The following FRY variants were observed in gnomAD, a reference collection of about 807,000 sequenced individuals.
FRY encodes FRY microtubule binding protein.
FRY carries 128 observed loss-of-function variants against 348.4 expected under a neutral mutation model. The ratio of observed to expected loss-of-function variants is 0.37; its 90% CI spans 0.32 to 0.43. The LOEUF is 0.43. Ranked by LOEUF, FRY falls within the 20% of genes least tolerant of loss-of-function variation. The pLI is 1.00. For synonymous variants in FRY, 1,370 were observed against 1,374.7 expected, an observed-to-expected ratio of 1.00 and a Z score of 0.08; for missense variants, 2,736 against 3,695.2, an observed-to-expected ratio of 0.74 and a Z score of 6.73.
rs1010463211 is a variant in FRY at position 32,173,373 on chromosome 13, G to A, written c.2158G>A (p.Ala720Thr). 5.0e-6 allele frequency: 8 copies of A among 1,610,362 alleles called. No homozygotes were observed. Among genetic ancestry groups the A allele is most frequent in the African/African-American group, 4.0e-5 (3 of 74,776 alleles). Residue 720 changes from alanine (A) to threonine (T), a missense_variant, in exon 19 of 61, where the codon GCA (alanine) becomes ACA (threonine). By Grantham distance (58) the Ala-to-Thr change is moderately conservative (BLOSUM62 0). Coordinates refer to ENST00000542859, the MANE Select transcript of FRY (RefSeq NM_023037.3). The stretch of plus-strand genomic sequence containing the variant: ...TGTTCTTATTGCATAACAGCTCATC[G>A]CAAATGGCTCCAGTCACAGAATTCA... ...ANKIRNSELI[A>T]NGSSHRIQSE...
chr13:32,257,112 T>A (rs1887379836), intron 51 of FRY, among the ~76,000 whole-genome samples: 1 of 152,184 alleles, frequency 6.6e-6, no homozygotes, highest in Admixed American at 6.5e-5. Flanking sequence ...ATTTCAAAAA[T>A]TTTTAAAAAT....
chr13:32,172,206 T>A (rs1359395234), intron 18 of FRY, among the ~76,000 whole-genome samples: 2 of 151,010 alleles, frequency 1.3e-5, no homozygotes, highest in Non-Finnish European at 1.5e-5. Flanking sequence ...AGATATGGAT[T>A]TGGATGTAAA....
At chr13:32,073,882 T>C (rs1324132586) in intron 1 of FRY, among the ~76,000 whole-genome samples, 1 of 152,174 alleles carries the variant, frequency 6.6e-6, no homozygotes, top group African/African-American at 2.4e-5. Context: ...ATAATAAAAA[T>C]GTAGCTGAAC....
At chr13:32,057,928 C>G (rs930808295) in intron 1 of FRY, among the ~76,000 whole-genome samples, 2 of 151,786 alleles carry the variant, frequency 1.3e-5, no homozygotes, top group African/African-American at 4.8e-5. Context: ...CCACTATACT[C>G]CAGCCTGGGC....
intron 36 of FRY, among the ~76,000 whole-genome samples, chr13:32,221,896 G>A (rs530973134): frequency 1.3e-5 from 2 of 152,302 alleles, no homozygotes; most frequent in East Asian, 3.9e-4. Flanking sequence ...AGGCACCATT[G>A]TAGGTAGTAG....
chr13:32,053,656 G>A (rs957650538), intron 1 of FRY, among the ~76,000 whole-genome samples: 7 of 152,218 alleles, frequency 4.6e-5, no homozygotes, highest in Admixed American at 4.6e-4. Flanking sequence ...CGTCCCTGAT[G>A]CACTTTGGAC....
intron 58 of FRY, among the ~76,000 whole-genome samples, chr13:32,284,979 T>C (rs1593850980): frequency 6.6e-6 from 1 of 152,356 alleles, no homozygotes; most frequent in East Asian, 1.9e-4. Flanking sequence ...CATTCCTCAA[T>C]TGTTTATGAT....
intron 35 of FRY, among the ~76,000 whole-genome samples, chr13:32,215,408 G>T (rs1884933348): frequency 6.6e-6 from 1 of 152,010 alleles, no homozygotes; most frequent in Non-Finnish European, 1.5e-5. Context: ...TACATCTATT[G>T]TGTATTAATA....
chr13:32,036,540 A>G (rs942715581), intron 1 of FRY, among the ~76,000 whole-genome samples: 5 of 152,132 alleles, frequency 3.3e-5, no homozygotes, highest in African/African-American at 1.2e-4. Context: ...TCTGTATAAA[A>G]TACTATGCTC....
intron 1 of FRY, among the ~76,000 whole-genome samples, chr13:32,055,230 A>C (rs1873557905): frequency 6.6e-6 from 1 of 151,908 alleles, no homozygotes; most frequent in African/African-American, 2.4e-5. Flanking sequence ...TTTTTTGTAG[A>C]GACAGGGTTT....
intron 20 of FRY, among the ~76,000 whole-genome samples, chr13:32,176,285 A>G (rs1882357226): frequency 6.6e-6 from 1 of 152,250 alleles, no homozygotes; most frequent in Non-Finnish European, 1.5e-5. Flanking sequence ...TAAAAAATAA[A>G]AGTATAATAA....
At chr13:32,263,234 T>C (rs1352711814) in intron 53 of FRY, among the ~76,000 whole-genome samples, 1 of 152,214 alleles carries the variant, frequency 6.6e-6, no homozygotes. Context: ...AGTTTGGTTA[T>C]GGTTGTGCAA....
Position 32,274,974 on chromosome 13 carries a change from T to G in FRY, c.8269T>G (p.Phe2757Val). Residue 2757 changes from phenylalanine to valine, a missense_variant, in exon 56 of 61, where the codon TTT becomes GTT. Phe to Val is a conservative substitution (Grantham distance 50). Transcript: ENST00000542859. ...LTSCSECPTL[F>V]VDAETLLSCG... ...CTCCTGCTCTGAATGTCCTACACTT[T>G]TTGTGGATGCCGAGACTGTGAGTAT... The G allele has an allele frequency of 6.2e-7, 1 of 1,613,926 alleles. No individual in the cohort carries two copies. Among genetic ancestry groups the G allele is most frequent in the Non-Finnish European group, 8.5e-7 (1 of 1,179,904 alleles).
chr13:32,173,164 G>A (rs1293218358), intron 18 of FRY, among the ~76,000 whole-genome samples: 1 of 152,132 alleles, frequency 6.6e-6, no homozygotes, highest in Non-Finnish European at 1.5e-5. Flanking sequence ...GTATTCCGCA[G>A]CAGCAATTGA....
At chr13:32,196,754 A>C (rs1883701804) in intron 29 of FRY, among the ~76,000 whole-genome samples, 1 of 152,202 alleles carries the variant, frequency 6.6e-6, no homozygotes, top group African/African-American at 2.4e-5. Flanking sequence ...TGGCAGTATT[A>C]ATTTTGCAAA....
At chr13:32,033,215 TATA>T (rs1872331555) in intron 1 of FRY, among the ~76,000 whole-genome samples, 1 of 152,224 alleles carries the variant, frequency 6.6e-6, no homozygotes. Flanking sequence ...TCATTATTTT[TATA>T]ATACTTTACA....
intron 32 of FRY, 118 bp downstream of exon 32, chr13:32,209,227 ATAG>A: frequency 8.8e-7 from 1 of 1,132,078 alleles, no homozygotes; most frequent in Non-Finnish European, 1.3e-6. Context: ...CTGGGGATAA[ATAG>A]TGGTGATGGT....
intron 40 of FRY, among the ~76,000 whole-genome samples, chr13:32,230,163 C>T (rs918372908): frequency 1.3e-5 from 2 of 152,084 alleles, no homozygotes; most frequent in African/African-American, 4.8e-5. Flanking sequence ...GCTATTTCAC[C>T]AGCCAGATGT....
chr13:32,121,420 C>T (rs953099196), intron 4 of FRY, among the ~76,000 whole-genome samples: 11 of 152,190 alleles, frequency 7.2e-5, no homozygotes, highest in South Asian at 2.1e-4. Context: ...TCACTGCATC[C>T]ACGCCAACAT....
Sources: allele counts gnomAD v4.1 joint callset (sites outside exome capture counted in the v4.1 genomes callset), GRCh38; gene constraint gnomAD v4.1.1; transcripts MANE v1.5; gene names NCBI Gene and HGNC (gene_info 2026-07-23, HGNC 2026-07-21).